KIF26B: variants seen among roughly 807,000 people sequenced by gnomAD.
The protein encoded by KIF26B is kinesin family member 26B.
KIF26B carries 63 observed loss-of-function variants against 151.2 expected under a neutral mutation model. The observed-to-expected ratio is 0.42, with a 90% confidence interval of 0.34 to 0.51. The LOEUF is 0.51. Among genes scored for constraint, KIF26B ranks in the 20% least tolerant of loss-of-function variants. The pLI, the probability that KIF26B is intolerant of heterozygous loss-of-function variation, is 0.07. For synonymous variants in KIF26B, 1,357 were observed against 1,262.1 expected (o/e 1.08, Z -1.59); for missense variants, 2,813 against 2,913.6 (o/e 0.97, Z 0.79).
intron 9 of KIF26B, among the ~76,000 whole-genome samples, chr1:245,637,634 G>T (rs2043849427): frequency 6.6e-6 from 1 of 151,852 alleles, no homozygotes. Flanking sequence ...CAGTTTCATA[G>T]TTTCAGGTTT....
At chr1:245,571,233 T>C (rs1039613499) in intron 5 of KIF26B, among the ~76,000 whole-genome samples, 1 of 152,210 alleles carries the variant, frequency 6.6e-6, no homozygotes, top group African/African-American at 2.4e-5. Context: ...CGTTGCTTGA[T>C]GTTAGTGATG....
chr1:245,370,653 C>G, intron 3 of KIF26B: 1 of 456,450 alleles, frequency 2.2e-6, no homozygotes, highest in Non-Finnish European at 4.4e-6. Context: ...TGAGCGAGGA[C>G]AGAGGAGCAT....
Position 245,540,877 on chromosome 1 carries a change from C to A in KIF26B, c.1277C>A (p.Thr426Asn). 1.9e-6 allele frequency: 3 copies of A among 1,613,948 alleles called. No homozygotes were observed. The highest frequency in any genetic ancestry group is 2.5e-6 in the Non-Finnish European group (3 of 1,179,844). Residue 426 changes from threonine to asparagine, a missense_variant, in exon 5 of 15, where the codon ACC becomes AAC. This residue lies in a region of KIF26B where 676 missense variants were observed against 688.1 expected (regional missense o/e 0.98). Coordinates refer to ENST00000407071, the MANE Select transcript of KIF26B (RefSeq NM_018012.4). This position sits in a 1 kb window ranked among gnomAD's most constrained non-coding sequence, Gnocchi z 4.6. ...FATSFSGILQ[T>N]SPPPAPPCLL... is the part of the protein sequence containing the mutation. ...ACCAGCTTCAGTGGGATTCTGCAGA[C>A]CTCCCCTCCCCCAGCCCCACCCTGC...
chr1:245,583,628 G>A (rs966827638), intron 5 of KIF26B, among the ~76,000 whole-genome samples: 1 of 152,226 alleles, frequency 6.6e-6, no homozygotes, highest in Admixed American at 6.5e-5. Flanking sequence ...TGCTGCCGGA[G>A]GACCTGTTGC....
intron 2 of KIF26B, among the ~76,000 whole-genome samples, chr1:245,260,580 T>C (rs371795215): frequency 6.6e-6 from 1 of 152,358 alleles, no homozygotes; most frequent in East Asian, 1.9e-4. Flanking sequence ...TTAACAACTT[T>C]GGAGGCATGT....
At chr1:245,635,100 T>G (rs1572171026) in intron 9 of KIF26B, among the ~76,000 whole-genome samples, 1 of 145,820 alleles carries the variant, frequency 6.9e-6, no homozygotes. Flanking sequence ...GTTTTTGTGT[T>G]TTTTTTTTTT....
intron 2 of KIF26B, among the ~76,000 whole-genome samples, chr1:245,168,264 G>A (rs1668648139): frequency 6.6e-6 from 1 of 152,218 alleles, no homozygotes; most frequent in Non-Finnish European, 1.5e-5. Context: ...CTCATCTGCA[G>A]CCGCCGCAGC....
In KIF26B at chr1:245,687,476, C is replaced by T. The variant is rs775693291; in HGVS notation, c.4493C>T (p.Ser1498Leu). ...DRLSSSSGEVSASPVTDNFRR... is the reference protein window; with the variant it reads ...DRLSSSSGEVLASPVTDNFRR... ...CTCAGCAGCAGCAGCGGAGAGGTGT[C>T]GGCCTCCCCGGTCACTGACAACTTC... Residue 1498 changes from serine to leucine, a missense_variant, in exon 12 of 15, where the codon TCG becomes TTG. Around this residue, in one of 3 missense-constraint regions of KIF26B, gnomAD observed 2,060 missense variants for 2,088.6 expected, o/e 0.99. Transcript: ENST00000407071. The surrounding 1 kb of genome is among the most constrained non-coding windows in gnomAD (Gnocchi z 4.9). 31 of 1,583,074 alleles carry T rather than the reference C, an allele frequency of 2.0e-5. No homozygotes were observed. The highest frequency in any genetic ancestry group is 4.0e-5 in the African/African-American group (3 of 74,240).
At chr1:245,665,891 C>G (rs994617812) in intron 10 of KIF26B, among the ~76,000 whole-genome samples, 4 of 151,690 alleles carry the variant, frequency 2.6e-5, no homozygotes, top group African/African-American at 9.7e-5. Flanking sequence ...CACCATGTTG[C>G]CCAGGCTGGT....
At chr1:245,259,934 CAAA>C (rs35913005) in intron 2 of KIF26B, among the ~76,000 whole-genome samples, 73 of 72,010 alleles carry the variant, frequency 1.0e-3, no homozygotes, top group Middle Eastern at 8.1e-3. Flanking sequence ...GGTCCTGTCT[CAAA>C]AAAAAAAAAA....
intron 10 of KIF26B, 150 bp downstream of exon 10, chr1:245,646,430 G>A: frequency 1.3e-6 from 1 of 754,330 alleles, no homozygotes; most frequent in Non-Finnish European, 2.0e-6. Flanking sequence ...GCTAACAGTT[G>A]TGTAATGCAT....
chr1:245,206,957 C>A (rs1669417299), intron 2 of KIF26B, among the ~76,000 whole-genome samples: 1 of 151,988 alleles, frequency 6.6e-6, no homozygotes. Flanking sequence ...TGATTTTGAC[C>A]AGCTGGAATG....
chr1:245,456,948 C>G (rs1186361696), intron 4 of KIF26B, among the ~76,000 whole-genome samples: 1 of 152,208 alleles, frequency 6.6e-6, no homozygotes, highest in Non-Finnish European at 1.5e-5. Context: ...TCACTGCAAC[C>G]TTTGTCTCCT....
chr1:245,205,434 A>G (rs1478804122), intron 2 of KIF26B, among the ~76,000 whole-genome samples: 2 of 152,162 alleles, frequency 1.3e-5, no homozygotes, highest in African/African-American at 2.4e-5. Context: ...TCTTATAAGA[A>G]TATAGGGGGA....
At chr1:245,699,626 T>C (rs1029852588) in intron 14 of KIF26B, among the ~76,000 whole-genome samples, 11 of 151,120 alleles carry the variant, frequency 7.3e-5, no homozygotes, top group Non-Finnish European at 1.6e-4. Flanking sequence ...CTTGTCTTAT[T>C]AGTTCCTGAC....
At chr1:245,574,218 A>C (rs923567698) in intron 5 of KIF26B, among the ~76,000 whole-genome samples, 30 of 152,114 alleles carry the variant, frequency 2.0e-4, no homozygotes, top group Non-Finnish European at 1.5e-5. Flanking sequence ...ATCTCGGCTC[A>C]CTGCAAACTC....
At chr1:245,335,234 G>A (rs543413271) in intron 2 of KIF26B, among the ~76,000 whole-genome samples, 1 of 152,256 alleles carries the variant, frequency 6.6e-6, no homozygotes, top group South Asian at 2.1e-4. Context: ...CTGCAGCCTG[G>A]GGCAAGGCTC....
intron 2 of KIF26B, among the ~76,000 whole-genome samples, chr1:245,189,139 G>A (rs1669050823): frequency 6.6e-6 from 1 of 152,218 alleles, no homozygotes; most frequent in Admixed American, 6.5e-5. Flanking sequence ...TGGTTGCGTA[G>A]CAATGTGAAC....
intron 4 of KIF26B, among the ~76,000 whole-genome samples, chr1:245,526,284 G>A (rs1481050346): frequency 6.6e-6 from 1 of 152,160 alleles, no homozygotes; most frequent in Non-Finnish European, 1.5e-5. Context: ...CGGTAGCATA[G>A]ACAGGAAAGG....
Sources: allele counts gnomAD v4.1 joint callset (sites outside exome capture counted in the v4.1 genomes callset), GRCh38; gene constraint gnomAD v4.1.1; regional missense constraint gnomAD v4.1.1; non-coding constraint Gnocchi (gnomAD v3.1); transcripts MANE v1.5; gene names NCBI Gene and HGNC (gene_info 2026-07-23, HGNC 2026-07-21).